Variants in FHIT observed in about 807,000 individuals in gnomAD.
FHIT encodes bis(5'-adenosyl)-triphosphatase.
A neutral mutation model predicts 17.9 loss-of-function variants in FHIT; 19 were observed. The observed-to-expected ratio is 1.06, with a 90% confidence interval of 0.74 to 1.56. FHIT has a LOEUF of 1.56. FHIT is among the 40% of genes most tolerant of loss of function. The pLI, the probability that FHIT is intolerant of heterozygous loss-of-function variation, is 0.00. For synonymous variants in FHIT, 81 were observed against 69.7 expected (o/e 1.16, Z -0.81); for missense variants, 248 against 189.2 (o/e 1.31, Z -1.82).
At chr3:60,952,637 T>G (rs1206820371) in intron 3 of FHIT, among the ~76,000 whole-genome samples, 1 of 152,068 alleles carries the variant, frequency 6.6e-6, no homozygotes, top group Admixed American at 6.6e-5. Context: ...ACCCAGCAGG[T>G]GCAAGAAGTG....
chr3:60,180,344 G>T (rs1423253514), intron 5 of FHIT, among the ~76,000 whole-genome samples: 1 of 152,170 alleles, frequency 6.6e-6, no homozygotes, highest in Non-Finnish European at 1.5e-5. Flanking sequence ...CTTCACACCT[G>T]CAACAGCATC....
chr3:60,290,077 C>T (rs781578008), intron 5 of FHIT, among the ~76,000 whole-genome samples: 6 of 152,148 alleles, frequency 3.9e-5, no homozygotes, highest in African/African-American at 9.7e-5. Flanking sequence ...TGATGCTATG[C>T]GTGGCTTTCC....
chr3:60,954,160 A>T (rs1396243144), intron 3 of FHIT, among the ~76,000 whole-genome samples: 1 of 152,204 alleles, frequency 6.6e-6, no homozygotes, highest in Non-Finnish European at 1.5e-5. Flanking sequence ...CAAAGGACAC[A>T]TGATGTCATT....
chr3:61,089,921 C>T (rs371121259), intron 2 of FHIT, among the ~76,000 whole-genome samples: 23 of 152,160 alleles, frequency 1.5e-4, no homozygotes, highest in South Asian at 4.1e-4. Flanking sequence ...ATATTCCCTT[C>T]GCAGAAATCT....
intron 3 of FHIT, among the ~76,000 whole-genome samples, chr3:60,865,951 A>T (rs1008631387): frequency 5.9e-5 from 9 of 151,970 alleles, no homozygotes; most frequent in Non-Finnish European, 1.0e-4. Flanking sequence ...ATTTTTTTTT[A>T]AATGGTCAAA....
intron 3 of FHIT, among the ~76,000 whole-genome samples, chr3:60,886,567 A>C (rs2107151684): frequency 6.6e-6 from 1 of 152,318 alleles, no homozygotes; most frequent in South Asian, 2.1e-4. Flanking sequence ...ATATGGAAAA[A>C]ATAGAGGGGC....
At chr3:60,915,702 CTT>C (rs1706961490) in intron 3 of FHIT, among the ~76,000 whole-genome samples, 1 of 152,080 alleles carries the variant, frequency 6.6e-6, no homozygotes, top group African/African-American at 2.4e-5. Context: ...CTAAAAGAAA[CTT>C]TTAGGTGTTC....
At chr3:59,892,051 C>T (rs138732271) in intron 8 of FHIT, among the ~76,000 whole-genome samples, 1 of 152,348 alleles carries the variant, frequency 6.6e-6, no homozygotes, top group Non-Finnish European at 1.5e-5. Context: ...AATAGTCCAT[C>T]TATAACTCAA....
At chr3:61,173,274 A>G (rs2038061748) in intron 2 of FHIT, among the ~76,000 whole-genome samples, 1 of 143,302 alleles carries the variant, frequency 7.0e-6, no homozygotes, top group African/African-American at 2.5e-5. Flanking sequence ...TGCTGAAAAG[A>G]AAAAAAAAAT....
intron 5 of FHIT, among the ~76,000 whole-genome samples, chr3:60,147,597 T>C (rs957189170): frequency 1.3e-5 from 2 of 152,144 alleles, no homozygotes; most frequent in African/African-American, 2.4e-5. Context: ...ACAGAATTTC[T>C]TTGAATCCTA....
At chr3:60,661,650 A>C (rs2040250122) in intron 4 of FHIT, among the ~76,000 whole-genome samples, 1 of 152,186 alleles carries the variant, frequency 6.6e-6, no homozygotes, top group Non-Finnish European at 1.5e-5. Flanking sequence ...TAGTGGCTGC[A>C]CTAATTTACA....
intron 5 of FHIT, among the ~76,000 whole-genome samples, chr3:60,449,007 TC>T (rs1407345623): frequency 2.0e-5 from 3 of 152,172 alleles, no homozygotes; most frequent in African/African-American, 7.2e-5. Flanking sequence ...TCTGCTCTTT[TC>T]CACAAGTTTC....
chr3:60,384,396 A>G (rs1700925580), intron 5 of FHIT, among the ~76,000 whole-genome samples: 1 of 152,236 alleles, frequency 6.6e-6, no homozygotes, highest in African/African-American at 2.4e-5. Flanking sequence ...CAGCCTAATT[A>G]TTAATGATGT....
chr3:60,435,215 C>T (rs1054717818), intron 5 of FHIT, among the ~76,000 whole-genome samples: 2 of 152,086 alleles, frequency 1.3e-5, no homozygotes, highest in Admixed American at 6.6e-5. Context: ...AACTGCAAAC[C>T]ATAAACTTCC....
intron 5 of FHIT, among the ~76,000 whole-genome samples, chr3:60,134,686 G>A (rs530132874): frequency 2.0e-5 from 3 of 152,252 alleles, no homozygotes; most frequent in African/African-American, 7.2e-5. Flanking sequence ...AATCCTCCAA[G>A]AGAGACACCG....
chr3:59,775,640 T>G (rs778071784), intron 8 of FHIT, among the ~76,000 whole-genome samples: 3 of 152,228 alleles, frequency 2.0e-5, no homozygotes, highest in Non-Finnish European at 2.9e-5. Context: ...AAACTGGCCC[T>G]TATGTGGCCT....
chr3:60,328,099 C>G (rs1244628897), intron 5 of FHIT, among the ~76,000 whole-genome samples: 2 of 152,154 alleles, frequency 1.3e-5, no homozygotes, highest in Non-Finnish European at 2.9e-5. Flanking sequence ...GATTTTCAGC[C>G]TAGCCACCAT....
At chr3:60,303,649 A>C (rs930827836) in intron 5 of FHIT, among the ~76,000 whole-genome samples, 7 of 152,146 alleles carry the variant, frequency 4.6e-5, no homozygotes, top group Non-Finnish European at 8.8e-5. Flanking sequence ...TCATCCCTGA[A>C]GCCTTGAGAT....
At chr3:59,755,893 C>T (rs1701192305) in intron 8 of FHIT, among the ~76,000 whole-genome samples, 1 of 152,132 alleles carries the variant, frequency 6.6e-6, no homozygotes, top group East Asian at 1.9e-4. Context: ...AATGGCTCTC[C>T]AAGAAGGCGA....
Sources: gnomAD v4.1 joint callset for allele counts (sites outside exome capture counted in the v4.1 genomes callset) on GRCh38, gnomAD v4.1.1 for gene constraint, MANE v1.5 for transcripts, NCBI Gene and HGNC (gene_info 2026-07-23, HGNC 2026-07-21) for gene names.